Variants in BTBD7 observed in about 807,000 individuals in gnomAD.
BTBD7 encodes the protein BTB/POZ domain-containing protein 7.
BTBD7 carries 38 observed loss-of-function variants against 99.9 expected under a neutral mutation model. The observed-to-expected ratio is 0.38, with a 90% confidence interval of 0.29 to 0.50. The LOEUF (loss-of-function observed/expected upper bound fraction) is 0.50. BTBD7 is among the 20% of genes least tolerant of loss of function. BTBD7 has a pLI of 0.93. For synonymous variants in BTBD7, 520 were observed against 511.4 expected (o/e 1.02, Z -0.23); for missense variants, 1,170 against 1,394.6 (o/e 0.84, Z 2.57).
rs748396513 is a variant in BTBD7 at position 93,242,368 on chromosome 14, G to C, written c.3304C>G (p.Gln1102Glu). Residue 1102 changes from glutamine to glutamate, a missense_variant, in exon 11 of 11, where the codon CAG (glutamine) becomes GAG (glutamate). This residue lies in a region of BTBD7 where 495 missense variants were observed against 525.9 expected (regional missense o/e 0.94). Transcript: ENST00000334746. ...TCCCTTTCCAAATCTGTATTTCTCT[G>C]AGCTCCATGGCCCAGGGACTCACTG... ...ADSESLGHGA[Q>E]RNTDLEREDS... 4 of 1,614,146 alleles carry C rather than the reference G, an allele frequency of 2.5e-6. No individual in the cohort carries two copies. The highest frequency in any genetic ancestry group is 3.4e-6 in the Non-Finnish European group (4 of 1,180,044).
intron 3 of BTBD7, among the ~76,000 whole-genome samples, chr14:93,269,600 G>T (rs147138326): frequency 5.3e-5 from 8 of 152,304 alleles, no homozygotes; most frequent in African/African-American, 1.7e-4. Flanking sequence ...AAACTATCGC[G>T]AGTCATGCTA....
At position 93,242,086 on chromosome 14, in the gene BTBD7, T is replaced by TA. The variant is rs780432278; in HGVS notation, c.*186dup. The TA allele has an allele frequency of 0.24, 103,172 of 427,786 alleles. 551 individuals carry two copies. The highest frequency in any genetic ancestry group is 0.31 in the Middle Eastern group (495 of 1,576). The allele number at this position is 427,786 out of a possible 1,614,324, so 26.5% of individuals were successfully genotyped here. On this transcript the variant is annotated 3_prime_UTR_variant, in exon 11 of 11. Coordinates refer to ENST00000334746, the MANE Select transcript of BTBD7 (RefSeq NM_001002860.4). ...AAGACAAATTAGACAGATGCAACAT[T>TA]AAAAAAAAAAAACAAAACCTTCTTA...
chr14:93,247,059 TTC>T lies in BTBD7; in HGVS notation c.2122-775_2122-774del, dbSNP rs571225359. On this transcript the variant is annotated intron_variant, in intron 9 of 10. Coordinates refer to ENST00000334746, the MANE Select transcript of BTBD7 (RefSeq NM_001002860.4). Reference sequence around the variant, plus strand: ...ATTCTTTTTTTGAGACAGGGTCTCATTCTGTCACCCAGGCTGGAGTGCAGTGG... The same window carrying T: ...ATTCTTTTTTTGAGACAGGGTCTCATTGTCACCCAGGCTGGAGTGCAGTGG... Among the ~76,000 whole-genome samples, 498 of 152,200 alleles carry T rather than the reference TTC, an allele frequency of 3.3e-3. 2 individuals are homozygous for T. Among genetic ancestry groups the T allele is most frequent in the African/African-American group, 0.011 (470 of 41,526 alleles).
chr14:93,280,990 G>A (rs902405013), intron 3 of BTBD7, among the ~76,000 whole-genome samples: 14 of 151,310 alleles, frequency 9.3e-5, no homozygotes, highest in African/African-American at 1.2e-4. Context: ...CCACCACCAC[G>A]CCCAGCTAAT....
At chr14:93,325,722 G>T (rs1298191421) in intron 1 of BTBD7, among the ~76,000 whole-genome samples, 1 of 143,016 alleles carries the variant, frequency 7.0e-6, no homozygotes, top group South Asian at 2.3e-4. Flanking sequence ...CTAAATGGAG[G>T]TTTGATTCCC....
At chr14:93,270,810 C>T (rs2052593660) in intron 3 of BTBD7, among the ~76,000 whole-genome samples, 1 of 152,116 alleles carries the variant, frequency 6.6e-6, no homozygotes, top group Admixed American at 6.6e-5. Context: ...GGCAGACTTT[C>T]AGTGATGCTC....
chr14:93,250,912 T>C (rs541022017), intron 8 of BTBD7, among the ~76,000 whole-genome samples: 1 of 152,300 alleles, frequency 6.6e-6, no homozygotes, highest in East Asian at 1.9e-4. Flanking sequence ...AGGAAGGCCA[T>C]AGACTTTAAG....
At chr14:93,312,248 T>C (rs1386551777) in intron 1 of BTBD7, among the ~76,000 whole-genome samples, 2 of 152,214 alleles carry the variant, frequency 1.3e-5, no homozygotes, top group African/African-American at 4.8e-5. Context: ...CCCCACATTC[T>C]TGATAATTAA....
intron 8 of BTBD7, among the ~76,000 whole-genome samples, chr14:93,250,682 C>T (rs1197064717): frequency 6.6e-6 from 1 of 152,170 alleles, no homozygotes. Context: ...ATCATTGTTG[C>T]TTTTTTTAGA....
Position 93,293,898 on chromosome 14 carries a change from G to A in BTBD7, c.1122C>T (p.Tyr374=). The change falls in exon 3 of 11, where the codon TAC becomes TAT. Residue 374 remains tyrosine (Y), a synonymous_variant. Transcript: ENST00000334746. ...TAAATTCCAAGAACAGTGCTATGTG[G>A]TAAAGTTCCATGGCTTCTTCTGCCC... The part of the protein sequence containing the change: ...MTRAEEAMEL[Y]HIALFLEFNM... 6.2e-7 allele frequency: 1 copy of A among 1,613,680 alleles called. No homozygotes were observed. Among genetic ancestry groups the A allele is most frequent in the Non-Finnish European group, 8.5e-7 (1 of 1,179,814 alleles).
chr14:93,331,335 C>T (rs2053402919), intron 1 of BTBD7, among the ~76,000 whole-genome samples: 1 of 152,164 alleles, frequency 6.6e-6, no homozygotes, highest in Non-Finnish European at 1.5e-5. Context: ...TCTAATCCAT[C>T]GCCAGCTGTA....
At chr14:93,283,753 T>G (rs1332327792) in intron 3 of BTBD7, among the ~76,000 whole-genome samples, 2 of 152,198 alleles carry the variant, frequency 1.3e-5, no homozygotes, top group Non-Finnish European at 2.9e-5. Flanking sequence ...GGTTTCACTA[T>G]GTTGGTCAGG....
At chr14:93,273,439 T>C (rs910411656) in intron 3 of BTBD7, among the ~76,000 whole-genome samples, 4 of 152,204 alleles carry the variant, frequency 2.6e-5, no homozygotes, top group Admixed American at 6.5e-5. Flanking sequence ...GCGGGGCAGA[T>C]TGCCAAAATT....
intron 3 of BTBD7, among the ~76,000 whole-genome samples, chr14:93,282,282 T>A (rs982019150): frequency 6.6e-6 from 1 of 152,102 alleles, no homozygotes; most frequent in African/African-American, 2.4e-5. Flanking sequence ...AATTCTTACA[T>A]CTTGTGATAG....
chr14:93,251,223 A>C (rs1451268656), intron 8 of BTBD7, among the ~76,000 whole-genome samples: 1 of 152,260 alleles, frequency 6.6e-6, no homozygotes, highest in Non-Finnish European at 1.5e-5. Context: ...CCCAAATGTC[A>C]GTAAGACCAA....
chr14:93,282,991 TCTCC>T lies in BTBD7; in HGVS notation c.1162+10863_1162+10866del, dbSNP rs372935395. Among the ~76,000 whole-genome samples, 20 of 152,320 alleles carry T rather than the reference TCTCC, an allele frequency of 1.3e-4. No homozygotes were observed. The East Asian group carries it at 1.9e-3, about 15-fold the overall frequency. On this transcript the variant is annotated intron_variant, in intron 3 of 10. Coordinates refer to ENST00000334746, the MANE Select transcript of BTBD7 (RefSeq NM_001002860.4). Reference sequence around the variant, plus strand: ...GTTTACAAAGTCTGCTATTTTGCCTTCTCCCTCCATCTTTCGAATTTTATTATCA... The same window carrying T: ...GTTTACAAAGTCTGCTATTTTGCCTTCTCCATCTTTCGAATTTTATTATCA...
intron 1 of BTBD7, among the ~76,000 whole-genome samples, chr14:93,314,939 T>C (rs948178117): frequency 7.9e-5 from 12 of 152,060 alleles, no homozygotes; most frequent in African/African-American, 2.9e-4. Context: ...TTTTACAAAT[T>C]TGCAACATTT....
At chr14:93,326,441 G>A (rs1007207056) in intron 1 of BTBD7, among the ~76,000 whole-genome samples, 5 of 152,110 alleles carry the variant, frequency 3.3e-5, no homozygotes, top group Admixed American at 6.5e-5. Context: ...CAGCTTAGGC[G>A]ACAGAGCAAA....
intron 3 of BTBD7, 125 bp downstream of exon 3, chr14:93,293,733 G>A (rs1595318390): frequency 1.6e-6 from 2 of 1,225,896 alleles, no homozygotes; most frequent in East Asian, 5.0e-5. Flanking sequence ...CATAACTGAA[G>A]GTTCAAAAAA....
Sources: gnomAD v4.1 joint callset for allele counts (sites outside exome capture counted in the v4.1 genomes callset) on GRCh38, gnomAD v4.1.1 for gene constraint, gnomAD v4.1.1 regional missense constraint, MANE v1.5 for transcripts, NCBI Gene and HGNC (gene_info 2026-07-23, HGNC 2026-07-21) for gene names.